Variants in CDC42BPB observed in about 807,000 individuals in gnomAD.
CDC42BPB encodes the protein CDC42 binding protein kinase beta.
Under a neutral mutation model 214.9 loss-of-function variants are expected in CDC42BPB, and 37 were observed. The ratio of observed to expected loss-of-function variants is 0.17; its 90% CI spans 0.13 to 0.23. The LOEUF is 0.23. Ranked by LOEUF, CDC42BPB falls within the 10% of genes least tolerant of loss-of-function variation. The pLI, the probability that CDC42BPB is intolerant of heterozygous loss-of-function variation, is 1.00. For synonymous variants in CDC42BPB, 931 were observed against 884.0 expected (o/e 1.05, Z -0.94); for missense variants, 1,694 against 2,227.0 (o/e 0.76, Z 4.82).
At chr14:102,970,043 T>C (rs1045911588) in intron 14 of CDC42BPB, 108 bp downstream of exon 14, 1 of 857,716 alleles carries the variant, frequency 1.2e-6, no homozygotes, top group African/African-American at 1.7e-5. Flanking sequence ...CAGCCTCGGG[T>C]GACACTCGGC....
intron 1 of CDC42BPB, among the ~76,000 whole-genome samples, chr14:103,014,654 C>T (rs565165818): frequency 3.3e-5 from 5 of 152,214 alleles, no homozygotes; most frequent in Admixed American, 2.6e-4. Context: ...TCGATCACCA[C>T]AACTGCAAGA....
intron 28 of CDC42BPB, 52 bp downstream of exon 28, chr14:102,946,416 C>T (rs1436958515): frequency 3.1e-6 from 5 of 1,597,278 alleles, no homozygotes; most frequent in Non-Finnish European, 4.3e-6. Context: ...TGCAGCGCCG[C>T]CGGAAGTGCT....
Position 102,966,084 on chromosome 14 carries a change from A to G in CDC42BPB, c.2577+198T>C, listed in dbSNP as rs530482004. Among the ~76,000 whole-genome samples, 6 of 152,384 alleles carry G rather than the reference A, an allele frequency of 3.9e-5. No individual in the cohort carries two copies. In the South Asian group the frequency reaches 1.2e-3, roughly 32 times the overall value. On this transcript the variant is annotated intron_variant, in intron 18 of 36. Coordinates refer to ENST00000361246, the MANE Select transcript of CDC42BPB (RefSeq NM_006035.4). ...TCAGTGCTCAGTAATTATTTGCTAA[A>G]CGAATGAATGCTGTCGAGAGAAGCC...
At chr14:103,020,260 C>T (rs1886692420) in intron 1 of CDC42BPB, among the ~76,000 whole-genome samples, 1 of 152,226 alleles carries the variant, frequency 6.6e-6, no homozygotes, top group South Asian at 2.1e-4. Context: ...GTGAACAGGG[C>T]CCCAATGGCC....
At chr14:103,032,503 G>T (rs888937980) in intron 1 of CDC42BPB, among the ~76,000 whole-genome samples, 2 of 129,830 alleles carry the variant, frequency 1.5e-5, no homozygotes, top group African/African-American at 6.0e-5. Flanking sequence ...GAACAGGACA[G>T]GACAAATGCC....
At chr14:102,977,018 A>G (rs1283291880) in intron 9 of CDC42BPB, among the ~76,000 whole-genome samples, 1 of 152,118 alleles carries the variant, frequency 6.6e-6, no homozygotes, top group Non-Finnish European at 1.5e-5. Context: ...TCTCACACCA[A>G]AAGAGATTTC....
rs1039113508 is a variant in CDC42BPB at position 102,978,342 on chromosome 14, T to A, written c.1141-137A>T. 59 of 1,494,144 alleles carry A rather than the reference T, an allele frequency of 3.9e-5. No homozygotes were observed. In the Admixed American group the frequency reaches 7.5e-4, roughly 19 times the overall value. The allele number at this position is 1,494,144 out of a possible 1,614,324, so 92.6% of individuals were successfully genotyped here. Reference sequence around the variant, plus strand: ...CTTGGAGAATGCGGATTCCATGGTGTCCTCTGCAGGGGAGATGAGTATAGC... The same window carrying A: ...CTTGGAGAATGCGGATTCCATGGTGACCTCTGCAGGGGAGATGAGTATAGC... On this transcript the variant is annotated intron_variant, in intron 8 of 36. Coordinates refer to ENST00000361246, the MANE Select transcript of CDC42BPB (RefSeq NM_006035.4).
At chr14:102,936,375 C>G (rs574624572) in intron 36 of CDC42BPB, among the ~76,000 whole-genome samples, 1 of 152,296 alleles carries the variant, frequency 6.6e-6, no homozygotes, top group South Asian at 2.1e-4. Context: ...AATGGGAAAA[C>G]AAACCGTGGT....
chr14:103,050,704 A>T (rs1392930622), intron 1 of CDC42BPB, among the ~76,000 whole-genome samples: 1 of 152,076 alleles, frequency 6.6e-6, no homozygotes, highest in Non-Finnish European at 1.5e-5. Context: ...CTGCAGTGAG[A>T]CATGACAGAG....
At chr14:102,999,735 G>A (rs1595127442) in intron 4 of CDC42BPB, 22 bp from the exon 5 acceptor site, 2 of 1,613,794 alleles carry the variant, frequency 1.2e-6, no homozygotes, top group Admixed American at 1.7e-5. Flanking sequence ...AAAGAGAAGG[G>A]GAGAGAATAC....
chr14:102,970,053 C>T, intron 14 of CDC42BPB, 98 bp downstream of exon 14: 2 of 974,374 alleles, frequency 2.1e-6, no homozygotes, highest in Non-Finnish European at 1.6e-6. Context: ...TGACACTCGG[C>T]CCGGACCACA....
At chr14:102,991,729 T>C (rs1894502475) in intron 5 of CDC42BPB, among the ~76,000 whole-genome samples, 1 of 152,232 alleles carries the variant, frequency 6.6e-6, no homozygotes, top group South Asian at 2.1e-4. Flanking sequence ...TAAAAGTATA[T>C]GGGTGCTTTT....
intron 23 of CDC42BPB, among the ~76,000 whole-genome samples, chr14:102,953,819 C>T (rs939498501): frequency 2.6e-5 from 4 of 152,164 alleles, no homozygotes; most frequent in Non-Finnish European, 5.9e-5. Context: ...CACCCACCAG[C>T]CACATGGTTC....
chr14:103,054,621 C>T (rs1207939078), intron 1 of CDC42BPB, among the ~76,000 whole-genome samples: 3 of 152,146 alleles, frequency 2.0e-5, no homozygotes, highest in Non-Finnish European at 4.4e-5. Flanking sequence ...GTTACAATGA[C>T]GTATATGTTA....
At chr14:102,957,181 A>G (rs757157327) in intron 21 of CDC42BPB, among the ~76,000 whole-genome samples, 47 of 145,010 alleles carry the variant, frequency 3.2e-4, no homozygotes, top group Non-Finnish European at 6.4e-4. Context: ...AGCCTGGGTG[A>G]CAGAGTAAGA....
chr14:102,964,671 T>A, intron 18 of CDC42BPB, 21 bp from the exon 19 acceptor site: 1 of 1,580,976 alleles, frequency 6.3e-7, no homozygotes, highest in East Asian at 2.3e-5. Context: ...GGTCATGGCG[T>A]TAAAAATGCA....
chr14:102,942,969 A>G (rs1387505707), intron 30 of CDC42BPB, among the ~76,000 whole-genome samples: 1 of 152,164 alleles, frequency 6.6e-6, no homozygotes, highest in Non-Finnish European at 1.5e-5. Context: ...CCTGGGTTCA[A>G]GCGATTCTCC....
rs1892024718 is a variant in CDC42BPB, at chr14:102,944,003, G to A, written c.4296C>T (p.Leu1432=). 6.2e-7 allele frequency: 1 copy of A among 1,613,204 alleles called. No homozygotes were observed. The change falls in exon 30 of 37, where the codon CTC becomes CTT. Residue 1432 remains leucine (L), a synonymous_variant. Coordinates refer to ENST00000361246, the MANE Select transcript of CDC42BPB (RefSeq NM_006035.4). The surrounding 1 kb of genome is among the most constrained non-coding windows in gnomAD (Gnocchi z 6.6). ...AGCAAAGCAGGTACTCCTCGCTTTC[G>A]AGCTCCACAGCACAAAGGGCATCAA... ...QSFDALCAVE[L]ESEEYLLCFS...
chr14:103,012,736 C>T (rs1002361082), intron 1 of CDC42BPB, among the ~76,000 whole-genome samples: 2 of 152,144 alleles, frequency 1.3e-5, no homozygotes, highest in African/African-American at 2.4e-5. Flanking sequence ...ACCTAGGCGC[C>T]GGAGGTTACA....
Sources: gnomAD v4.1 joint callset for allele counts (sites outside exome capture counted in the v4.1 genomes callset) on GRCh38, gnomAD v4.1.1 for gene constraint, Gnocchi (gnomAD v3.1) non-coding constraint, MANE v1.5 for transcripts, NCBI Gene and HGNC (gene_info 2026-07-23, HGNC 2026-07-21) for gene names.